Variants in ATIC observed in about 807,000 individuals in gnomAD.
The protein encoded by ATIC is 5-aminoimidazole-4-carboxamide ribonucleotide formyltransferase/IMP cyclohydrolase.
ATIC carries 64 observed loss-of-function variants against 72.5 expected under a neutral mutation model. That is an observed-to-expected ratio of 0.88 (90% CI 0.72 to 1.09). The LOEUF is 1.09. ATIC is among the 50% of genes least tolerant of loss of function. The probability of loss-of-function intolerance (pLI) is 0.00; values close to 1 mark genes in which losing one functional copy is unlikely to be tolerated. For synonymous variants in ATIC, 281 were observed against 267.1 expected (o/e 1.05, Z -0.51); for missense variants, 787 against 732.4 (o/e 1.07, Z -0.86).
the ATIC span, chr2:215,367,722 C>T: frequency 1.2e-6 from 1 of 839,958 alleles, no homozygotes; most frequent in African/African-American, 1.7e-5. Context: ...CAAAATATTA[C>T]TTCGAGTCAA....
intron 9 of ATIC, among the ~76,000 whole-genome samples, chr2:215,334,671 G>A (rs1367508726): frequency 6.6e-6 from 1 of 152,122 alleles, no homozygotes; most frequent in African/African-American, 2.4e-5. Flanking sequence ...CCCTGTTTTT[G>A]TGAATATAGT....
At position 215,334,866 on chromosome 2, in the gene ATIC, T is replaced by C. The variant is rs911081805; in HGVS notation, c.923-53T>C. ...ATGACAGTGGAGAATTTTATTACTT[T>C]TTCTGTATCAGGATACTTTGTGATA... On this transcript the variant is annotated intron_variant, in intron 9 of 15. Transcript: ENST00000236959. The C allele has an allele frequency of 1.5e-5, 22 of 1,430,858 alleles. No individual in the cohort carries two copies. The African/African-American group carries it at 2.7e-4, about 17-fold the overall frequency. 88.6% of individuals were successfully genotyped at this position (1,430,858 alleles called of 1,614,324 possible).
chr2:215,358,855 T>C, the ATIC span, among the ~76,000 whole-genome samples: 2 of 152,200 alleles, frequency 1.3e-5, no homozygotes, highest in African/African-American at 4.8e-5. Flanking sequence ...GTTAATACAG[T>C]CCAACTGTAT....
downstream of ATIC, among the ~76,000 whole-genome samples, chr2:215,350,220 T>C (rs1325505453): frequency 2.0e-5 from 3 of 152,078 alleles, no homozygotes; most frequent in Non-Finnish European, 4.4e-5. Context: ...CACTGCAACC[T>C]CCGCCTCCCG....
At position 215,349,751 on chromosome 2, in the gene ATIC, T is replaced by C; in HGVS notation, c.*96T>C. The C allele has an allele frequency of 6.3e-7, 1 of 1,595,424 alleles. No homozygotes were observed. The highest frequency in any genetic ancestry group is 8.6e-7 in the Non-Finnish European group (1 of 1,164,074). ...CTTTTTAAAAAAATAAAACAGTATC[T>C]CTTAATCACTGGATCCATAGTTTTT... On this transcript the variant is annotated 3_prime_UTR_variant, in exon 16 of 16. Coordinates refer to ENST00000236959, the MANE Select transcript of ATIC (RefSeq NM_004044.7).
intron 1 of ATIC, 79 bp downstream of exon 1, chr2:215,312,240 G>T (rs577329535): frequency 2.8e-6 from 4 of 1,447,746 alleles, no homozygotes; most frequent in East Asian, 2.7e-5. Flanking sequence ...CGGCCGGCGG[G>T]ACCCGGCACT....
intron 3 of ATIC, among the ~76,000 whole-genome samples, chr2:215,319,365 C>T (rs2105996153): frequency 6.6e-6 from 1 of 152,098 alleles, no homozygotes; most frequent in East Asian, 1.9e-4. Context: ...GATGGCAACA[C>T]CCCCCTTCTC....
chr2:215,368,068 T>G, the ATIC span: 1 of 1,603,106 alleles, frequency 6.2e-7, no homozygotes, highest in Non-Finnish European at 8.5e-7. Flanking sequence ...AGACATCTTA[T>G]TAATCGATTT....
the ATIC span, among the ~76,000 whole-genome samples, chr2:215,363,819 A>C: frequency 2.0e-5 from 3 of 152,194 alleles, no homozygotes; most frequent in African/African-American, 7.2e-5. Flanking sequence ...AAGGCTTATT[A>C]TTTTTTGTTA....
At chr2:215,321,882 T>C (rs975521780) in intron 4 of ATIC, among the ~76,000 whole-genome samples, 2 of 151,798 alleles carry the variant, frequency 1.3e-5, no homozygotes, top group African/African-American at 4.9e-5. Context: ...TTAGCCTTTC[T>C]TGATGGTTTC....
Position 215,325,234 on chromosome 2 carries a change from T to TTA in ATIC, c.291-6_291-5insAT, listed in dbSNP as rs779277115. The TTA allele has an allele frequency of 1.2e-6, 2 of 1,611,548 alleles. No homozygotes were observed. Among genetic ancestry groups the TTA allele is most frequent in the African/African-American group, 2.7e-5 (2 of 74,854 alleles). ...TAATGACAGCCAGATTCGTCTTTGT[T>TTA]TTATAGAGTTGTTGCCTGCAATCTC... On this transcript the variant is annotated splice_polypyrimidine_tract_variant and splice_region_variant and intron_variant, in intron 4 of 15. Coordinates refer to ENST00000236959, the MANE Select transcript of ATIC (RefSeq NM_004044.7).
Position 215,326,041 on chromosome 2 carries a change from T to C in ATIC, c.434T>C (p.Val145Ala). The C allele has an allele frequency of 3.1e-6, 5 of 1,614,096 alleles. No individual in the cohort carries two copies. Among genetic ancestry groups the C allele is most frequent in the Middle Eastern group, 1.6e-4 (1 of 6,062 alleles). The change falls in exon 6 of 16, where the codon GTG becomes GCG. Residue 145 changes from valine (V) to alanine (A), a missense_variant. Val to Ala is a moderately conservative substitution (Grantham distance 64, BLOSUM62 0). Transcript: ENST00000236959. The stretch of plus-strand genomic sequence containing the variant: ...AAAAACCACGCTCGAGTGACAGTGG[T>C]GTGTGAACCAGAGGACTATGTGGTG... Reference protein sequence around the residue: ...AAKNHARVTVVCEPEDYVVVS... With the variant: ...AAKNHARVTVACEPEDYVVVS...
intron 7 of ATIC, among the ~76,000 whole-genome samples, chr2:215,330,629 A>G (rs1318740138): frequency 2.0e-5 from 3 of 152,048 alleles, no homozygotes; most frequent in Non-Finnish European, 2.9e-5. Flanking sequence ...TCAATGCCCT[A>G]AAACTCCCTT....
intron 7 of ATIC, among the ~76,000 whole-genome samples, chr2:215,329,916 C>T (rs1307041497): frequency 6.6e-6 from 1 of 152,062 alleles, no homozygotes; most frequent in Non-Finnish European, 1.5e-5. Flanking sequence ...CATGTACCAC[C>T]AGGCCCAGCT....
chr2:215,338,735 G>C, intron 11 of ATIC, 44 bp from the exon 12 acceptor site: 1 of 1,589,722 alleles, frequency 6.3e-7, no homozygotes, highest in Non-Finnish European at 8.6e-7. Flanking sequence ...AAAATTTGAG[G>C]GAAGTGGAGA....
In ATIC at chr2:215,336,100, A is replaced by T. The variant is rs757115572; in HGVS notation, c.1074A>T (p.Lys358Asn). 1.2e-6 allele frequency: 2 copies of T among 1,613,012 alleles called. No homozygotes were observed. The highest frequency in any genetic ancestry group is 2.7e-5 in the African/African-American group (2 of 75,030). Residue 358 changes from lysine (K) to asparagine (N), a missense_variant, in exon 11 of 16, where the codon AAA becomes AAT. Transcript: ENST00000236959. ...EEALTILSKKKNGNYCVLQMD... is the reference protein window; with the variant it reads ...EEALTILSKKNNGNYCVLQMD... Reference sequence around the variant, plus strand: ...CCTTGACAATACTTTCCAAAAAGAAAAATGGAAACTATTGTGTCCTTCAGG... The same window carrying T: ...CCTTGACAATACTTTCCAAAAAGAATAATGGAAACTATTGTGTCCTTCAGG...
rs746720764 is a variant in ATIC, at chr2:215,346,957, T to C, written c.1503+16T>C. On this transcript the variant is annotated intron_variant, in intron 14 of 15. Coordinates refer to ENST00000236959, the MANE Select transcript of ATIC (RefSeq NM_004044.7). ...CATTGGCGAGGTGAAAGACTTGGCA[T>C]TGGGTTCTCGGCTGTGTTAATATTC... 3.1e-6 allele frequency: 5 copies of C among 1,613,948 alleles called. No homozygotes were observed. The highest frequency in any genetic ancestry group is 1.1e-5 in the South Asian group (1 of 91,064).
chr2:215,346,143 T>G (rs1002629375), intron 13 of ATIC, among the ~76,000 whole-genome samples: 2 of 149,314 alleles, frequency 1.3e-5, no homozygotes, highest in Non-Finnish European at 3.0e-5. Context: ...ATTTTTGTGG[T>G]CATTAGTTTT....
At chr2:215,362,414 T>G in the ATIC span, 2 of 319,094 alleles carry the variant, frequency 6.3e-6, no homozygotes, top group African/African-American at 4.3e-5. Context: ...AGAAAAGGTT[T>G]TCAAAGAATC....
Sources: gnomAD v4.1 joint callset for allele counts (sites outside exome capture counted in the v4.1 genomes callset) on GRCh38, gnomAD v4.1.1 for gene constraint, MANE v1.5 for transcripts, NCBI Gene and HGNC (gene_info 2026-07-23, HGNC 2026-07-21) for gene names.